Variants in CSMD1 observed in about 807,000 individuals in gnomAD.
CSMD1 encodes CUB and sushi domain-containing protein 1.
In CSMD1, 213 loss-of-function variants were observed where a neutral mutation model predicts 417.5. The observed-to-expected ratio is 0.51, with a 90% CI of 0.46 to 0.57. The LOEUF is 0.57. CSMD1 is among the 20% of genes least tolerant of loss of function. CSMD1 has a pLI of 0.00. For synonymous variants in CSMD1, 2,862 were observed against 1,736.8 expected (o/e 1.65, Z -16.11); for missense variants, 6,923 against 4,529.7 (o/e 1.53, Z -15.17).
chr8:4,206,637 A>T (rs1331756209), intron 3 of CSMD1, among the ~76,000 whole-genome samples: 2 of 152,212 alleles, frequency 1.3e-5, no homozygotes, highest in African/African-American at 4.8e-5. Flanking sequence ...CAGTGATGCA[A>T]TAAACGTATG....
intron 25 of CSMD1, among the ~76,000 whole-genome samples, chr8:3,297,596 T>G (rs969785176): frequency 6.6e-5 from 10 of 152,196 alleles, no homozygotes; most frequent in Non-Finnish European, 1.5e-4. Context: ...TCAATTGAAC[T>G]TAACTGTGGA....
chr8:3,596,144 CAGTGAGG>C (rs1440266021), intron 8 of CSMD1, among the ~76,000 whole-genome samples: 3 of 152,172 alleles, frequency 2.0e-5, no homozygotes, highest in African/African-American at 4.8e-5. Flanking sequence ...AGGGAGGAAA[CAGTGAGG>C]AGTGTCGGAG....
intron 5 of CSMD1, among the ~76,000 whole-genome samples, chr8:3,789,386 T>G (rs530084275): frequency 2.1e-3 from 139 of 67,102 alleles, no homozygotes; most frequent in Admixed American, 8.6e-3. Context: ...TTTTTTTAAG[T>G]AGTGTTTTTT....
chr8:4,734,101 A>G (rs1397773474), intron 1 of CSMD1, among the ~76,000 whole-genome samples: 5 of 152,184 alleles, frequency 3.3e-5, no homozygotes, highest in African/African-American at 1.2e-4. Flanking sequence ...GATAAACATC[A>G]AAAGAGTTTA....
chr8:3,850,125 G>T (rs551654204), intron 5 of CSMD1, among the ~76,000 whole-genome samples: 5 of 152,210 alleles, frequency 3.3e-5, no homozygotes, highest in African/African-American at 9.6e-5. Context: ...ACATTTGGGC[G>T]ATGTCGCCAT....
chr8:3,018,658 G>C lies in CSMD1; in HGVS notation c.7856-8C>G. Reference sequence around the variant, plus strand: ...GGCTTCCACACGAGATAACTAGAAGGAAAAACAATAAAATGAACATCAATT... The same window carrying C: ...GGCTTCCACACGAGATAACTAGAAGCAAAAACAATAAAATGAACATCAATT... On this transcript the variant is annotated splice_region_variant and splice_polypyrimidine_tract_variant and intron_variant, in intron 51 of 69. Transcript: ENST00000635120. 6.2e-7 allele frequency: 1 copy of C among 1,603,888 alleles called. No individual in the cohort carries two copies. The highest frequency in any genetic ancestry group is 8.5e-7 in the Non-Finnish European group (1 of 1,173,988).
intron 46 of CSMD1, among the ~76,000 whole-genome samples, chr8:3,101,894 G>A (rs568031592): frequency 1.9e-4 from 28 of 150,818 alleles, no homozygotes; most frequent in African/African-American, 5.6e-4. Context: ...CTCCACATGC[G>A]GGGTTCAAGC....
At chr8:3,455,955 C>A (rs1328482400) in intron 12 of CSMD1, among the ~76,000 whole-genome samples, 1 of 152,172 alleles carries the variant, frequency 6.6e-6, no homozygotes, top group Non-Finnish European at 1.5e-5. Context: ...GAGGTGGGCT[C>A]CACCCAGTTC....
chr8:3,593,566 T>A (rs1800956577), intron 8 of CSMD1, among the ~76,000 whole-genome samples: 1 of 152,202 alleles, frequency 6.6e-6, no homozygotes, highest in Non-Finnish European at 1.5e-5. Flanking sequence ...GATGTCCAGA[T>A]CTGACTTTTA....
At chr8:4,068,977 A>G (rs778482117) in intron 3 of CSMD1, among the ~76,000 whole-genome samples, 4 of 152,214 alleles carry the variant, frequency 2.6e-5, no homozygotes, top group Non-Finnish European at 4.4e-5. Flanking sequence ...CCTTTGTTCA[A>G]ACGTTGAATG....
chr8:4,175,876 T>C (rs916514099), intron 3 of CSMD1, among the ~76,000 whole-genome samples: 18 of 152,144 alleles, frequency 1.2e-4, no homozygotes, highest in Middle Eastern at 3.2e-3. Flanking sequence ...AAGCGAGTAA[T>C]GGGGTCCAGT....
intron 2 of CSMD1, among the ~76,000 whole-genome samples, chr8:4,498,358 A>G (rs1252517493): frequency 1.3e-5 from 2 of 152,192 alleles, no homozygotes; most frequent in Non-Finnish European, 2.9e-5. Flanking sequence ...TTATGTATTT[A>G]TATAATCTTA....
At chr8:3,108,845 C>A (rs375565441) in intron 43 of CSMD1, 97 bp from the exon 44 acceptor site, 2 of 1,237,342 alleles carry the variant, frequency 1.6e-6, no homozygotes, top group South Asian at 1.5e-5. Context: ...TTAATAAAAG[C>A]AATAAAACAT....
chr8:3,695,829 C>G (rs899188756), intron 7 of CSMD1, among the ~76,000 whole-genome samples: 1 of 152,130 alleles, frequency 6.6e-6, no homozygotes, highest in Non-Finnish European at 1.5e-5. Context: ...CTTAAAATAG[C>G]ATTATTTGTT....
chr8:3,028,871 G>A (rs1359934803), intron 51 of CSMD1, among the ~76,000 whole-genome samples: 1 of 152,134 alleles, frequency 6.6e-6, no homozygotes, highest in Admixed American at 6.5e-5. Context: ...GAAACTCACT[G>A]AAAGCTTTAA....
At chr8:3,585,959 T>A (rs926008195) in intron 9 of CSMD1, among the ~76,000 whole-genome samples, 177 bp downstream of exon 9, 1 of 152,178 alleles carries the variant, frequency 6.6e-6, no homozygotes, top group African/African-American at 2.4e-5. Flanking sequence ...AATGTTAGCC[T>A]CTCAGCAAAT....
chr8:3,270,494 T>G (rs898137784), intron 26 of CSMD1, among the ~76,000 whole-genome samples: 2 of 152,242 alleles, frequency 1.3e-5, no homozygotes, highest in African/African-American at 4.8e-5. Flanking sequence ...ACCATTGAAC[T>G]TCATAAAACT....
intron 2 of CSMD1, among the ~76,000 whole-genome samples, chr8:4,443,438 A>G (rs2129718208): frequency 6.6e-6 from 1 of 152,346 alleles, no homozygotes; most frequent in African/African-American, 2.4e-5. Flanking sequence ...TTATTCAACA[A>G]CACTGAATTG....
At chr8:3,786,317 C>T (rs781257628) in intron 5 of CSMD1, among the ~76,000 whole-genome samples, 1 of 152,102 alleles carries the variant, frequency 6.6e-6, no homozygotes, top group African/African-American at 2.4e-5. Flanking sequence ...CAAAAATCCT[C>T]TGTCTGTTGG....
Sources: allele counts gnomAD v4.1 joint callset (sites outside exome capture counted in the v4.1 genomes callset), GRCh38; gene constraint gnomAD v4.1.1; transcripts MANE v1.5; gene names NCBI Gene and HGNC (gene_info 2026-07-23, HGNC 2026-07-21).